Variants in SLC20A2 observed in about 807,000 individuals in gnomAD.
SLC20A2 encodes the protein solute carrier family 20 member 2.
SLC20A2 carries 30 observed loss-of-function variants against 61.0 expected under a neutral mutation model. The ratio of observed to expected loss-of-function variants is 0.49; its 90% CI spans 0.37 to 0.67. SLC20A2 has a LOEUF of 0.67. Ranked by LOEUF, SLC20A2 falls within the 30% of genes least tolerant of loss-of-function variation. The pLI is 0.00. For synonymous variants in SLC20A2, 351 were observed against 353.3 expected (o/e 0.99, Z 0.07); for missense variants, 626 against 866.4 (o/e 0.72, Z 3.48).
At chr8:42,503,503 T>C (rs887360384), upstream of SLC20A2, among the ~76,000 whole-genome samples, 4 of 152,228 alleles carry the variant, frequency 2.6e-5, no homozygotes, top group Admixed American at 6.5e-5. Context: ...TAAAATTTTC[T>C]AGTAGCTGCT....
chr8:42,517,392 AT>A (rs1811383060), intron 1 of SLC20A2, among the ~76,000 whole-genome samples: 1 of 151,686 alleles, frequency 6.6e-6, no homozygotes, highest in South Asian at 2.1e-4. Context: ...CAATAATAAA[AT>A]AAATAAATAA....
chr8:42,488,368 T>G (rs1436496537), intron 1 of SLC20A2, among the ~76,000 whole-genome samples: 3 of 151,906 alleles, frequency 2.0e-5, no homozygotes, highest in Non-Finnish European at 2.9e-5. Flanking sequence ...TTTTGTATTT[T>G]TAGTAGAGAC....
At chr8:42,439,739 T>C in intron 6 of SLC20A2, 86 bp from the exon 7 acceptor site, 2 of 1,044,964 alleles carry the variant, frequency 1.9e-6, no homozygotes, top group Non-Finnish European at 1.4e-6. Context: ...TCTATATCTT[T>C]ATGCTTTAGC....
At chr8:42,442,002 C>T (rs1000111559) in intron 6 of SLC20A2, among the ~76,000 whole-genome samples, 2 of 148,912 alleles carry the variant, frequency 1.3e-5, no homozygotes, top group Non-Finnish European at 2.9e-5. Flanking sequence ...GGCACAATCT[C>T]GGCTCAATGC....
At chr8:42,424,812 G>C (rs748529249) in intron 10 of SLC20A2, among the ~76,000 whole-genome samples, 2 of 152,164 alleles carry the variant, frequency 1.3e-5, no homozygotes, top group Non-Finnish European at 2.9e-5. Flanking sequence ...TTGGGAGGCC[G>C]AGGCAGGCAG....
intron 1 of SLC20A2, among the ~76,000 whole-genome samples, chr8:42,525,490 G>A (rs1322387097): frequency 6.7e-6 from 1 of 150,052 alleles, no homozygotes; most frequent in Non-Finnish European, 1.5e-5. Context: ...GCTGAGGCAG[G>A]AGAATTGCTC....
At chr8:42,525,100 C>T (rs1430770280) in intron 1 of SLC20A2, among the ~76,000 whole-genome samples, 1 of 152,142 alleles carries the variant, frequency 6.6e-6, no homozygotes, top group African/African-American at 2.4e-5. Flanking sequence ...GCACAGGTGT[C>T]TCAGACAAGT....
At chr8:42,455,181 C>T (rs1806053438) in intron 5 of SLC20A2, among the ~76,000 whole-genome samples, 1 of 135,998 alleles carries the variant, frequency 7.4e-6, no homozygotes, top group South Asian at 2.4e-4. Flanking sequence ...GCTGAGATCA[C>T]ACTACTGCAC....
At chr8:42,497,304 C>T (rs1042180194) in intron 1 of SLC20A2, among the ~76,000 whole-genome samples, 6 of 152,164 alleles carry the variant, frequency 3.9e-5, no homozygotes, top group African/African-American at 1.4e-4. Context: ...TTTTATAATA[C>T]CCTCCATCTT....
upstream of SLC20A2, among the ~76,000 whole-genome samples, chr8:42,504,527 A>G (rs1456946697): frequency 1.3e-5 from 2 of 152,108 alleles, no homozygotes; most frequent in Non-Finnish European, 2.9e-5. Context: ...CTAGACATGA[A>G]ATTTTAGTTA....
In SLC20A2 at chr8:42,427,151, G is replaced by A. The variant is rs183500779; in HGVS notation, c.1794+1607C>T. Among the ~76,000 whole-genome samples, 23 of 152,344 alleles carry A rather than the reference G, an allele frequency of 1.5e-4. No individual in the cohort carries two copies. The East Asian group carries it at 2.7e-3, about 18-fold the overall frequency. ...CGGGGAGGAGGACGCTGGCCATGCC[G>A]TCCATGTGGGAGCCTCAGCTGGGCT... On this transcript the variant is annotated intron_variant, in intron 10 of 10. Coordinates refer to ENST00000520262, the MANE Select transcript of SLC20A2 (RefSeq NM_001257180.2).
At chr8:42,446,811 A>T (rs1805249012) in intron 5 of SLC20A2, among the ~76,000 whole-genome samples, 1 of 152,216 alleles carries the variant, frequency 6.6e-6, no homozygotes, top group Admixed American at 6.5e-5. Flanking sequence ...GTAACTTAAA[A>T]AATATATACA....
intron 5 of SLC20A2, 100 bp from the exon 6 acceptor site, chr8:42,444,862 C>T: frequency 2.6e-6 from 2 of 774,722 alleles, no homozygotes; most frequent in South Asian, 1.6e-5. Context: ...GAACGAATCA[C>T]CTGGATTTTG....
chr8:42,462,782 C>G (rs1009079898), intron 4 of SLC20A2, among the ~76,000 whole-genome samples: 1 of 152,098 alleles, frequency 6.6e-6, no homozygotes, highest in Non-Finnish European at 1.5e-5. Context: ...AAGTACAGAG[C>G]CAAGAAACAC....
At chr8:42,471,449 C>T (rs963641305) in intron 2 of SLC20A2, among the ~76,000 whole-genome samples, 5 of 152,166 alleles carry the variant, frequency 3.3e-5, no homozygotes, top group African/African-American at 9.7e-5. Flanking sequence ...CCAGGCAACA[C>T]GCACATTATT....
chr8:42,520,008 CTTTTTT>C (rs557576151), intron 1 of SLC20A2, among the ~76,000 whole-genome samples: 1 of 102,684 alleles, frequency 9.7e-6, no homozygotes, highest in African/African-American at 3.9e-5. Context: ...TTATGCTAAT[CTTTTTT>C]TTTTTTTTTT....
rs537993622 is a variant in SLC20A2, at chr8:42,483,115, C to G, written c.-264-10461G>C. 5.0e-3 allele frequency among the ~76,000 whole-genome samples: 757 copies of G among 151,942 alleles called. 9 individuals are homozygous for G. Among genetic ancestry groups the G allele is most frequent in the African/African-American group, 0.018 (729 of 41,448 alleles). On this transcript the variant is annotated intron_variant, in intron 1 of 10. Transcript: ENST00000520262. Reference sequence around the variant, plus strand: ...AATCCCAGCACTTTGGGAGGCCAAGCTGGGTGGATCACTTGAGGTCAGGAG... The same window carrying G: ...AATCCCAGCACTTTGGGAGGCCAAGGTGGGTGGATCACTTGAGGTCAGGAG...
intron 1 of SLC20A2, among the ~76,000 whole-genome samples, chr8:42,507,107 G>C (rs1586231176): frequency 6.6e-6 from 1 of 152,330 alleles, no homozygotes; most frequent in South Asian, 2.1e-4. Context: ...GTCCAGCCAG[G>C]CTTGCTCAAG....
intron 5 of SLC20A2, among the ~76,000 whole-genome samples, chr8:42,458,201 A>C (rs145209082): frequency 6.6e-6 from 1 of 152,318 alleles, no homozygotes; most frequent in Non-Finnish European, 1.5e-5. Flanking sequence ...TCACAAACAG[A>C]AGAGGAATAT....
Sources: allele counts gnomAD v4.1 joint callset (sites outside exome capture counted in the v4.1 genomes callset), GRCh38; gene constraint gnomAD v4.1.1; transcripts MANE v1.5; gene names NCBI Gene and HGNC (gene_info 2026-07-23, HGNC 2026-07-21).